PEAK1: variants seen among roughly 807,000 people sequenced by gnomAD.
The protein encoded by PEAK1 is inactive tyrosine-protein kinase PEAK1.
PEAK1 carries 54 observed loss-of-function variants against 124.7 expected under a neutral mutation model. The observed-to-expected ratio is 0.43, with a 90% confidence interval of 0.35 to 0.54. PEAK1 has a LOEUF of 0.54. Ranked by LOEUF, PEAK1 falls within the 20% of genes least tolerant of loss-of-function variation. PEAK1 has a pLI of 0.01. For synonymous variants in PEAK1, 719 were observed against 760.0 expected (o/e 0.95, Z 0.89); for missense variants, 2,046 against 2,134.5 (o/e 0.96, Z 0.82).
intron 2 of PEAK1, among the ~76,000 whole-genome samples, chr15:77,354,354 A>G (rs912935316): frequency 2.0e-5 from 3 of 152,182 alleles, no homozygotes; most frequent in African/African-American, 7.2e-5. Context: ...TATGAATTCC[A>G]CCTGCTAAAG....
At chr15:77,142,005 T>A (rs186959175) in intron 8 of PEAK1, among the ~76,000 whole-genome samples, 1 of 152,262 alleles carries the variant, frequency 6.6e-6, no homozygotes, top group South Asian at 2.1e-4. Context: ...ATAAAAATTA[T>A]AAACTTTTAT....
chr15:77,343,324 T>A (rs1196777204), intron 2 of PEAK1, among the ~76,000 whole-genome samples: 1 of 152,168 alleles, frequency 6.6e-6, no homozygotes, highest in Non-Finnish European at 1.5e-5. Flanking sequence ...TTTTTGTAGT[T>A]GTGAGTTATA....
chr15:77,173,268 C>G (rs1481059817), intron 7 of PEAK1, among the ~76,000 whole-genome samples: 1 of 151,974 alleles, frequency 6.6e-6, no homozygotes, highest in East Asian at 1.9e-4. Context: ...ACTAATTGAC[C>G]TTACATGGAC....
chr15:77,385,398 A>G (rs2141859056), intron 1 of PEAK1, among the ~76,000 whole-genome samples: 1 of 152,346 alleles, frequency 6.6e-6, no homozygotes, highest in South Asian at 2.1e-4. Context: ...TTTTCCAGCA[A>G]AAAATAAAAG....
Position 77,133,840 on chromosome 15 carries a change from G to T in PEAK1, c.3332-90C>A. 1 of 1,358,946 alleles carries T rather than the reference G, an allele frequency of 7.4e-7. No homozygotes were observed. The allele number at this position is 1,358,946 out of a possible 1,614,324, so 84.2% of individuals were successfully genotyped here. A position where few individuals can be genotyped will look rare whatever the true frequency, so the allele number is the denominator to read the frequency against. On this transcript the variant is annotated intron_variant, in intron 8 of 9. Transcript: ENST00000682557. The surrounding 1 kb of genome is among the most constrained non-coding windows in gnomAD (Gnocchi z 4.2). ...TGAAACTTGAGCAGAAATGAGTGAG[G>T]TAGCCATGGGAATGTAAGAATAAGT...
intron 2 of PEAK1, among the ~76,000 whole-genome samples, chr15:77,307,388 C>G (rs2064162557): frequency 6.6e-6 from 1 of 151,960 alleles, no homozygotes; most frequent in Admixed American, 6.6e-5. Flanking sequence ...GAAAACATTA[C>G]CAGAATAAAA....
intron 8 of PEAK1, 80 bp downstream of exon 8, chr15:77,158,423 T>A (rs770806994): frequency 2.3e-6 from 3 of 1,309,180 alleles, no homozygotes; most frequent in Non-Finnish European, 3.2e-6. Context: ...ATAAAAACCA[T>A]CTCTCCAAGA....
rs2056849752 is a variant in PEAK1, at chr15:77,176,113, G to A, written c.3137+2677C>T. Among the ~76,000 whole-genome samples, 5 of 151,588 alleles carry A rather than the reference G, an allele frequency of 3.3e-5. No individual in the cohort carries two copies. In the South Asian group the frequency reaches 1.0e-3, roughly 32 times the overall value. ...TCTGTGGACTGTTGTGGGGTGGGGG[G>A]AGAGGGGAGGGATAGCATTAGGAGA... On this transcript the variant is annotated intron_variant, in intron 7 of 9. Coordinates refer to ENST00000682557, the MANE Select transcript of PEAK1 (RefSeq NM_001385026.1).
At chr15:77,333,434 T>C (rs975476414) in intron 2 of PEAK1, 5 of 962,900 alleles carry the variant, frequency 5.2e-6, no homozygotes, top group Non-Finnish European at 6.2e-6. Flanking sequence ...TCTTTTTGCT[T>C]GTATATTTCT....
intron 6 of PEAK1, among the ~76,000 whole-genome samples, chr15:77,224,929 T>G (rs569375199): frequency 9.1e-4 from 139 of 152,120 alleles, no homozygotes; most frequent in African/African-American, 3.2e-3. Flanking sequence ...TTTGTTCTGG[T>G]GGTCTCCTAT....
chr15:77,178,475 A>C (rs1017213463), intron 7 of PEAK1: 1 of 361,828 alleles, frequency 2.8e-6, no homozygotes, highest in African/African-American at 2.1e-5. Flanking sequence ...CACTACCATC[A>C]CATTCCAAAA....
At chr15:77,119,486 T>A (rs2051714398) in intron 9 of PEAK1, among the ~76,000 whole-genome samples, 1 of 152,168 alleles carries the variant, frequency 6.6e-6, no homozygotes, top group South Asian at 2.1e-4. Flanking sequence ...AGACACAGCA[T>A]CCTGAAGCAT....
chr15:77,235,064 A>G (rs571853934), intron 6 of PEAK1, among the ~76,000 whole-genome samples: 1 of 152,156 alleles, frequency 6.6e-6, no homozygotes, highest in South Asian at 2.1e-4. Flanking sequence ...ACCTTCCACC[A>G]TGATTTTAAG....
At chr15:77,144,568 G>T (rs560254985) in intron 8 of PEAK1, among the ~76,000 whole-genome samples, 412 of 152,328 alleles carry the variant, frequency 2.7e-3, no homozygotes, top group African/African-American at 9.7e-3. Context: ...AACAGAGTTG[G>T]TCATCAATTC....
chr15:77,142,086 A>G (rs1180882090), intron 8 of PEAK1, among the ~76,000 whole-genome samples: 1 of 152,216 alleles, frequency 6.6e-6, no homozygotes, highest in African/African-American at 2.4e-5. Flanking sequence ...TTCAAATTAC[A>G]TATCTGATAA....
At position 77,133,380 on chromosome 15, in the gene PEAK1, G is replaced by A. The variant is rs1317634058; in HGVS notation, c.3702C>T (p.Ser1234=). The change falls in exon 9 of 10, where the codon AGC becomes AGT. Residue 1234 remains serine (S), a synonymous_variant. Coordinates refer to ENST00000682557, the MANE Select transcript of PEAK1 (RefSeq NM_001385026.1). The surrounding 1 kb of genome is among the most constrained non-coding windows in gnomAD (Gnocchi z 4.2). ...KERPVPSAAN[S]ISSLTTLSIK... is the part of the protein sequence containing the mutation. ...TACTGAGAGTGGTTAAGCTGGAAAT[G>A]CTGTTTGCTGCTGAGGGGACAGGTC... is the stretch of plus-strand genomic sequence containing the variant. 21 of 1,614,220 alleles carry A rather than the reference G, an allele frequency of 1.3e-5. No individual in the cohort carries two copies. The highest frequency in any genetic ancestry group is 1.8e-5 in the Non-Finnish European group (21 of 1,180,034).
intron 8 of PEAK1, among the ~76,000 whole-genome samples, chr15:77,148,890 C>G (rs1395752383): frequency 1.3e-5 from 2 of 152,022 alleles, no homozygotes; most frequent in Non-Finnish European, 2.9e-5. Flanking sequence ...CCACTGCACT[C>G]CAGCATGGGC....
chr15:77,190,985 T>A (rs1188184556), intron 6 of PEAK1, among the ~76,000 whole-genome samples: 1 of 152,250 alleles, frequency 6.6e-6, no homozygotes, highest in Non-Finnish European at 1.5e-5. Flanking sequence ...AAATGACAAC[T>A]ATAAGCATAA....
intron 1 of PEAK1, chr15:77,419,187 A>G (rs1272961237): frequency 8.1e-6 from 8 of 985,404 alleles, no homozygotes; most frequent in Non-Finnish European, 9.6e-6. Flanking sequence ...GTAACATTTA[A>G]CAGGCCAGAG....
Sources: gnomAD v4.1 joint callset for allele counts (sites outside exome capture counted in the v4.1 genomes callset) on GRCh38, gnomAD v4.1.1 for gene constraint, Gnocchi (gnomAD v3.1) non-coding constraint, MANE v1.5 for transcripts, NCBI Gene and HGNC (gene_info 2026-07-23, HGNC 2026-07-21) for gene names.